The following SNAP29 variants were observed in gnomAD, a reference collection of about 807,000 sequenced individuals.
SNAP29 encodes the protein synaptosomal-associated protein 29.
In SNAP29, 13 loss-of-function variants were observed where a neutral mutation model predicts 27.9. That is an observed-to-expected ratio of 0.47 (90% CI 0.30 to 0.74). SNAP29 has a LOEUF of 0.74. SNAP29 is among the 30% of genes least tolerant of loss of function. SNAP29 has a pLI of 0.06. For synonymous variants in SNAP29, 119 were observed against 127.1 expected, an observed-to-expected ratio of 0.94 and a Z score of 0.43; for missense variants, 368 against 336.5, an observed-to-expected ratio of 1.09 and a Z score of -0.73.
Position 20,890,539 on chromosome 22 carries a change from C to T in SNAP29, c.*2703C>T, listed in dbSNP as rs1039738399. 8.0e-5 allele frequency: 30 copies of T among 375,738 alleles called. No individual in the cohort carries two copies. In the Middle Eastern group the frequency reaches 2.8e-3, roughly 34 times the overall value. The allele number at this position is 375,738 out of a possible 1,614,324, so 23.3% of individuals were successfully genotyped here. A position where few individuals can be genotyped will look rare whatever the true frequency, so the allele number is the denominator to read the frequency against. On this transcript the variant is annotated 3_prime_UTR_variant, in exon 5 of 5. Transcript: ENST00000215730. ...TTGGGAGGCCAAGGCGGGGGGATCA[C>T]GAGGTCAGGAGATCGAGACCATCCT...
chr22:20,861,786 C>T (rs949921367), intron 1 of SNAP29, among the ~76,000 whole-genome samples: 2 of 152,170 alleles, frequency 1.3e-5, no homozygotes, highest in African/African-American at 2.4e-5. Flanking sequence ...AGGCACCCGC[C>T]GCCATGCCCA....
intron 1 of SNAP29, among the ~76,000 whole-genome samples, chr22:20,865,747 AG>A (rs1446670173): frequency 1.3e-5 from 2 of 152,218 alleles, no homozygotes; most frequent in Non-Finnish European, 2.9e-5. Flanking sequence ...AAAAGTGCAT[AG>A]GGCAGCGTCC....
chr22:20,880,191 T>G (rs1928858065), intron 2 of SNAP29, among the ~76,000 whole-genome samples: 1 of 152,080 alleles, frequency 6.6e-6, no homozygotes, highest in African/African-American at 2.4e-5. Flanking sequence ...GTTTTGTGTA[T>G]TTTACCATAA....
At chr22:20,862,208 C>T (rs1001104682) in intron 1 of SNAP29, among the ~76,000 whole-genome samples, 2 of 152,210 alleles carry the variant, frequency 1.3e-5, no homozygotes, top group South Asian at 4.1e-4. Flanking sequence ...GAATGGGTCA[C>T]ATGATTGAGG....
At chr22:20,883,854 C>T (rs1043148411) in intron 4 of SNAP29, among the ~76,000 whole-genome samples, 7 of 152,058 alleles carry the variant, frequency 4.6e-5, no homozygotes, top group Admixed American at 1.3e-4. Context: ...TGGACGTGAC[C>T]GCTCACTTCA....
chr22:20,878,036 T>C (rs1473524440), intron 2 of SNAP29, among the ~76,000 whole-genome samples: 2 of 152,206 alleles, frequency 1.3e-5, no homozygotes, highest in Non-Finnish European at 2.9e-5. Context: ...CTCTGCTGCA[T>C]TCTACCCATA....
At chr22:20,877,734 A>G (rs908180968) in intron 2 of SNAP29, among the ~76,000 whole-genome samples, 2 of 152,154 alleles carry the variant, frequency 1.3e-5, no homozygotes, top group Non-Finnish European at 2.9e-5. Context: ...AAAAAGAAAA[A>G]AATTGGCTTT....
intron 4 of SNAP29, among the ~76,000 whole-genome samples, chr22:20,885,754 C>T (rs1371872437): frequency 6.6e-6 from 1 of 152,194 alleles, no homozygotes. Context: ...GGAGGTGGGC[C>T]TGGGCAGAAG....
At chr22:20,860,669 C>G (rs1569113688) in intron 1 of SNAP29, among the ~76,000 whole-genome samples, 1 of 151,786 alleles carries the variant, frequency 6.6e-6, no homozygotes, top group Non-Finnish European at 1.5e-5. Flanking sequence ...CCATACCGGT[C>G]GAGAATGATT....
In SNAP29 at chr22:20,870,809, C is replaced by T. The variant is rs137962989; in HGVS notation, c.434+276C>T. 4,655 of 510,556 alleles carry T rather than the reference C, an allele frequency of 9.1e-3. 41 individuals carry two copies. Among genetic ancestry groups the T allele is most frequent in the Non-Finnish European group, 0.013 (3,683 of 280,688 alleles). The allele number at this position is 510,556 out of a possible 1,614,324, so 31.6% of individuals were successfully genotyped here. ...GGTGTTCACCTCAGCGTAATCTGTACAAATGTGACTCACTTCACATAATTT... is the reference window on the plus strand; with the variant it reads ...GGTGTTCACCTCAGCGTAATCTGTATAAATGTGACTCACTTCACATAATTT... On this transcript the variant is annotated intron_variant, in intron 2 of 4. Transcript: ENST00000215730.
At chr22:20,884,480 G>A (rs1156398564) in intron 4 of SNAP29, among the ~76,000 whole-genome samples, 1 of 152,166 alleles carries the variant, frequency 6.6e-6, no homozygotes, top group Non-Finnish European at 1.5e-5. Flanking sequence ...GATTTCTGAT[G>A]TGAGTTCTTT....
intron 2 of SNAP29, among the ~76,000 whole-genome samples, chr22:20,880,705 T>C (rs1264268197): frequency 6.6e-6 from 1 of 152,168 alleles, no homozygotes; most frequent in Non-Finnish European, 1.5e-5. Context: ...TTTTTTTCTT[T>C]TTTTTCAGTA....
chr22:20,864,083 A>G (rs1224021837), intron 1 of SNAP29, among the ~76,000 whole-genome samples: 1 of 151,868 alleles, frequency 6.6e-6, no homozygotes, highest in Non-Finnish European at 1.5e-5. Context: ...GTTTTTGTAC[A>G]CCTTTTCATC....
Position 20,887,817 on chromosome 22 carries a change from G to A in SNAP29, c.758G>A (p.Arg253Lys). The change falls in exon 5 of 5, where the codon AGA (arginine) becomes AAA (lysine). Residue 253 changes from arginine (R) to lysine (K), a missense_variant. Coordinates refer to ENST00000215730, the MANE Select transcript of SNAP29 (RefSeq NM_004782.4). ...KLDVNIKSTE[R>K]KVRQL is the part of the protein sequence containing the mutation. ...GATGTCAACATAAAAAGCACAGAAA[G>A]AAAAGTTCGACAACTCTGAAGACAG... 1 of 1,614,166 alleles carries A rather than the reference G, an allele frequency of 6.2e-7. No homozygotes were observed. The highest frequency in any genetic ancestry group is 8.5e-7 in the Non-Finnish European group (1 of 1,180,016).
At chr22:20,884,521 G>A (rs978995726) in intron 4 of SNAP29, among the ~76,000 whole-genome samples, 1 of 152,014 alleles carries the variant, frequency 6.6e-6, no homozygotes, top group Admixed American at 6.6e-5. Context: ...GCCTGGATGG[G>A]CTCCCCCGAC....
At chr22:20,881,854 G>A (rs1928899797) in intron 3 of SNAP29, among the ~76,000 whole-genome samples, 1 of 152,110 alleles carries the variant, frequency 6.6e-6, no homozygotes, top group African/African-American at 2.4e-5. Flanking sequence ...CCCAGACCCC[G>A]TGAGTGTGTT....
At chr22:20,886,814 T>C (rs1289659612) in intron 4 of SNAP29, among the ~76,000 whole-genome samples, 2 of 151,624 alleles carry the variant, frequency 1.3e-5, no homozygotes, top group African/African-American at 2.4e-5. Flanking sequence ...GGTTTCACCA[T>C]GTTGGCCAAG....
At chr22:20,861,311 G>C (rs1928313554) in intron 1 of SNAP29, among the ~76,000 whole-genome samples, 2 of 151,504 alleles carry the variant, frequency 1.3e-5, no homozygotes, top group African/African-American at 4.9e-5. Flanking sequence ...TTGGGGTTTT[G>C]CCATGTTGGC....
At chr22:20,878,847 G>A (rs1217476650) in intron 2 of SNAP29, among the ~76,000 whole-genome samples, 4 of 152,182 alleles carry the variant, frequency 2.6e-5, no homozygotes, top group African/African-American at 9.7e-5. Context: ...TCGGGGATCA[G>A]CAGGGCATCA....
Sources: allele counts gnomAD v4.1 joint callset (sites outside exome capture counted in the v4.1 genomes callset), GRCh38; gene constraint gnomAD v4.1.1; transcripts MANE v1.5; gene names NCBI Gene and HGNC (gene_info 2026-07-23, HGNC 2026-07-21).